The following PRKAG2 variants were observed in gnomAD, a reference collection of about 807,000 sequenced individuals.
The protein encoded by PRKAG2 is protein kinase AMP-activated non-catalytic subunit gamma 2.
PRKAG2 carries 26 observed loss-of-function variants against 69.6 expected under a neutral mutation model. The observed-to-expected ratio is 0.37, with a 90% CI of 0.27 to 0.52. PRKAG2 has a LOEUF of 0.52. Among genes scored for constraint, PRKAG2 ranks in the 20% least tolerant of loss-of-function variants. The probability of loss-of-function intolerance (pLI) is 0.90; values close to 1 mark genes in which losing one functional copy is unlikely to be tolerated. For synonymous variants in PRKAG2, 293 were observed against 285.0 expected (o/e 1.03, Z -0.28); for missense variants, 557 against 740.0 (o/e 0.75, Z 2.87).
chr7:151,560,176 G>T, intron 15 of PRKAG2: 10 of 985,282 alleles, frequency 1.0e-5, no homozygotes, highest in Non-Finnish European at 1.2e-5. Context: ...AGCCAGTGAC[G>T]TTCCCTCTAT....
In PRKAG2 at chr7:151,759,334, C is replaced by T. The variant is rs536483749; in HGVS notation, c.466+21818G>A. Among the ~76,000 whole-genome samples, 10 of 152,306 alleles carry T rather than the reference C, an allele frequency of 6.6e-5. No individual in the cohort carries two copies. In the East Asian group the frequency reaches 1.9e-3, roughly 29 times the overall value. On this transcript the variant is annotated intron_variant, in intron 3 of 15. Coordinates refer to ENST00000287878, the MANE Select transcript of PRKAG2 (RefSeq NM_016203.4). Reference sequence around the variant, plus strand: ...ACTTGCCCACATAGAGCAGCACCCCCGCAGCCCCTCTCCTTTGACTGTTGT... The same window carrying T: ...ACTTGCCCACATAGAGCAGCACCCCTGCAGCCCCTCTCCTTTGACTGTTGT...
chr7:151,782,297 AAAGGAAGGAAGGAAGG>A (rs869298573), intron 2 of PRKAG2, among the ~76,000 whole-genome samples: 7 of 39,760 alleles, frequency 1.8e-4, no homozygotes, highest in African/African-American at 6.6e-4. Flanking sequence ...GAAAGGAAAG[AAAGGAAGGAAGGAAGG>A]AAGGAAGGAA....
At chr7:151,857,327 T>G (rs560480376) in intron 1 of PRKAG2, among the ~76,000 whole-genome samples, 1 of 143,540 alleles carries the variant, frequency 7.0e-6, no homozygotes, top group South Asian at 2.2e-4. Context: ...AAATGAGGAA[T>G]GAGGCCGATG....
intron 5 of PRKAG2, among the ~76,000 whole-genome samples, chr7:151,612,971 C>T (rs1037908819): frequency 1.3e-4 from 20 of 152,198 alleles, no homozygotes; most frequent in Non-Finnish European, 7.3e-5. Flanking sequence ...CACCTGCCTC[C>T]TCTGGGGGCT....
chr7:151,667,832 A>G (rs907287700), intron 4 of PRKAG2, among the ~76,000 whole-genome samples: 1 of 152,250 alleles, frequency 6.6e-6, no homozygotes, highest in Admixed American at 6.5e-5. Flanking sequence ...GTAGGTGACC[A>G]AAGATGTAGT....
At chr7:151,558,804 C>T (rs1804320395) in intron 15 of PRKAG2, 1 of 985,252 alleles carries the variant, frequency 1.0e-6, no homozygotes, top group South Asian at 4.7e-5. Flanking sequence ...ATGGGAGGGG[C>T]ATTGCAATGA....
At chr7:151,822,340 A>AGG (rs1486805010) in intron 1 of PRKAG2, among the ~76,000 whole-genome samples, 1 of 152,026 alleles carries the variant, frequency 6.6e-6, no homozygotes, top group African/African-American at 2.4e-5. Flanking sequence ...GCCAGGGTCA[A>AGG]GGGCGGGGGG....
At chr7:151,562,705 T>C (rs890589495) in intron 14 of PRKAG2, among the ~76,000 whole-genome samples, 5 of 152,056 alleles carry the variant, frequency 3.3e-5, no homozygotes, top group Admixed American at 6.6e-5. Flanking sequence ...CGGTGGCTCA[T>C]GCCTGTAATC....
At chr7:151,615,638 T>C (rs918777736) in intron 5 of PRKAG2, among the ~76,000 whole-genome samples, 1 of 151,890 alleles carries the variant, frequency 6.6e-6, no homozygotes, top group Non-Finnish European at 1.5e-5. Flanking sequence ...ACCTACAGAA[T>C]GGGAGAAAAT....
In PRKAG2 at chr7:151,815,975, T is replaced by C. The variant is rs151227440; in HGVS notation, c.115-29434A>G. 7.9e-5 allele frequency among the ~76,000 whole-genome samples: 12 copies of C among 152,260 alleles called. No individual in the cohort carries two copies. In the East Asian group the frequency reaches 2.3e-3, roughly 29 times the overall value. ...AAGGCTATGATTTAGTGGGCAAATGTGTTATTCAGGTAAGGTTGATGGCAA... is the reference window on the plus strand; with the variant it reads ...AAGGCTATGATTTAGTGGGCAAATGCGTTATTCAGGTAAGGTTGATGGCAA... On this transcript the variant is annotated intron_variant, in intron 1 of 15. Coordinates refer to ENST00000287878, the MANE Select transcript of PRKAG2 (RefSeq NM_016203.4).
At position 151,814,655 on chromosome 7, in the gene PRKAG2, G is replaced by A. The variant is rs2078585926; in HGVS notation, c.115-28114C>T. ...CTGCCACTGCATGTCTGCAACAGAT[G>A]GGGACCGGGGCTGGGTGTGTTCCCA... On this transcript the variant is annotated intron_variant, in intron 1 of 15. Transcript: ENST00000287878. This position sits in a 1 kb window ranked among gnomAD's most constrained non-coding sequence, Gnocchi z 4.8. The A allele has an allele frequency of 1.6e-6, 2 of 1,231,704 alleles. No homozygotes were observed. Among genetic ancestry groups the A allele is most frequent in the Non-Finnish European group, 1.0e-6 (1 of 988,028 alleles). The allele number at this position is 1,231,704 out of a possible 1,614,324, so 76.3% of individuals were successfully genotyped here. A position where few individuals can be genotyped will look rare whatever the true frequency, so the allele number is the denominator to read the frequency against.
chr7:151,868,559 G>A (rs558051654), intron 1 of PRKAG2, among the ~76,000 whole-genome samples: 14 of 152,242 alleles, frequency 9.2e-5, no homozygotes, highest in Non-Finnish European at 1.9e-4. Context: ...CATTTTAAAC[G>A]ACGTTGACAG....
rs1317358685 is a variant in PRKAG2, at chr7:151,835,281, C to T, written c.114+41226G>A. 2.6e-5 allele frequency among the ~76,000 whole-genome samples: 4 copies of T among 152,148 alleles called. No homozygotes were observed. Among genetic ancestry groups the T allele is most frequent in the East Asian group, 1.9e-4 (1 of 5,194 alleles). ...CCAGGCTGGAGTGCCATGACACACA[C>T]GATCTTGGCTCACTGCAGCCTTGAC... On this transcript the variant is annotated intron_variant, in intron 1 of 15. Transcript: ENST00000287878. This position sits in a 1 kb window ranked among gnomAD's most constrained non-coding sequence, Gnocchi z 4.1.
intron 5 of PRKAG2, among the ~76,000 whole-genome samples, chr7:151,611,331 G>A (rs1385983380): frequency 6.6e-6 from 1 of 152,138 alleles, no homozygotes; most frequent in Non-Finnish European, 1.5e-5. Context: ...AACCACCTTC[G>A]TTTACTAAGC....
intron 3 of PRKAG2, among the ~76,000 whole-genome samples, chr7:151,697,861 G>C (rs1836960162): frequency 6.6e-6 from 1 of 152,210 alleles, no homozygotes; most frequent in Non-Finnish European, 1.5e-5. Flanking sequence ...AGAAGGACGG[G>C]TGTAACGGGT....
At chr7:151,631,814 G>A in intron 5 of PRKAG2, 1 of 495,870 alleles carries the variant, frequency 2.0e-6, no homozygotes, top group Non-Finnish European at 3.9e-6. Context: ...CCGCCCGTCC[G>A]TGTGGATGCC....
intron 1 of PRKAG2, among the ~76,000 whole-genome samples, chr7:151,858,924 C>T (rs528880082): frequency 6.6e-6 from 1 of 152,276 alleles, no homozygotes; most frequent in Admixed American, 6.5e-5. Context: ...CCTTGTCTCG[C>T]CCCTAGGAGG....
intron 3 of PRKAG2, among the ~76,000 whole-genome samples, chr7:151,702,073 C>A (rs901693700): frequency 2.0e-5 from 3 of 152,142 alleles, no homozygotes; most frequent in Non-Finnish European, 2.9e-5. Context: ...GCTGCACTGT[C>A]CGTATTTCCA....
intron 4 of PRKAG2, among the ~76,000 whole-genome samples, chr7:151,673,838 CTTTT>C (rs57744338): frequency 0.022 from 1,914 of 87,602 alleles, 51 homozygotes; most frequent in African/African-American, 0.082. Context: ...AGCTTGTGTT[CTTTT>C]TTTTTTTTTT....
Sources: allele counts gnomAD v4.1 joint callset (sites outside exome capture counted in the v4.1 genomes callset), GRCh38; gene constraint gnomAD v4.1.1; non-coding constraint Gnocchi (gnomAD v3.1); transcripts MANE v1.5; gene names NCBI Gene and HGNC (gene_info 2026-07-23, HGNC 2026-07-21).